The following CLPB variants were observed in gnomAD, a reference collection of about 807,000 sequenced individuals.
CLPB encodes mitochondrial disaggregase.
CLPB carries 40 observed loss-of-function variants against 78.4 expected under a neutral mutation model. The ratio of observed to expected loss-of-function variants is 0.51; its 90% CI spans 0.40 to 0.66. The LOEUF (loss-of-function observed/expected upper bound fraction) is 0.66. Among genes scored for constraint, CLPB ranks in the 30% least tolerant of loss-of-function variants. CLPB has a pLI of 0.00. For missense variants in CLPB, 780 were observed against 886.9 expected (o/e 0.88, Z 1.53); for synonymous variants, 333 against 348.0 (o/e 0.96, Z 0.48).
intron 4 of CLPB, among the ~76,000 whole-genome samples, chr11:72,378,873 T>C (rs1165354694): frequency 2.0e-5 from 3 of 152,236 alleles, no homozygotes; most frequent in Admixed American, 2.0e-4. Context: ...CAAGTAACCA[T>C]ACAAGAGGCC....
At chr11:72,345,637 T>G (rs1451928190) in intron 5 of CLPB, among the ~76,000 whole-genome samples, 1 of 152,164 alleles carries the variant, frequency 6.6e-6, no homozygotes, top group Non-Finnish European at 1.5e-5. Context: ...CCTTTGACTT[T>G]TAGAAATGAG....
intron 9 of CLPB, chr11:72,303,037 G>A (rs1157046878): frequency 1.3e-5 from 2 of 152,486 alleles, no homozygotes; most frequent in East Asian, 3.9e-4. Context: ...ATGGGTGAGG[G>A]CCATGGTTAG....
At chr11:72,404,445 G>C (rs1370630118) in intron 2 of CLPB, among the ~76,000 whole-genome samples, 1 of 152,222 alleles carries the variant, frequency 6.6e-6, no homozygotes, top group Non-Finnish European at 1.5e-5. Context: ...GATGTTAGCA[G>C]GTAACTAAGG....
At chr11:72,343,605 G>C (rs766492296) in intron 5 of CLPB, among the ~76,000 whole-genome samples, 46 of 152,174 alleles carry the variant, frequency 3.0e-4, no homozygotes, top group Non-Finnish European at 6.0e-4. Flanking sequence ...AAGGTGGTGG[G>C]AGGCTAGGAG....
At chr11:72,304,172 TC>T (rs1350225210) in intron 9 of CLPB, 8 of 152,238 alleles carry the variant, frequency 5.3e-5, no homozygotes, top group African/African-American at 1.7e-4. Context: ...TTGGCCGGAA[TC>T]ATCATTTTGA....
intron 3 of CLPB, among the ~76,000 whole-genome samples, chr11:72,388,441 C>T (rs1334718968): frequency 6.6e-6 from 1 of 151,908 alleles, no homozygotes. Context: ...TTAGTACAGC[C>T]GGGGTTTCAC....
At chr11:72,344,168 C>T (rs1407247147) in intron 5 of CLPB, among the ~76,000 whole-genome samples, 1 of 152,154 alleles carries the variant, frequency 6.6e-6, no homozygotes, top group South Asian at 2.1e-4. Flanking sequence ...GTAATCTATA[C>T]TGCTGACCAA....
At chr11:72,311,622 C>A (rs1949849138) in intron 7 of CLPB, among the ~76,000 whole-genome samples, 1 of 152,238 alleles carries the variant, frequency 6.6e-6, no homozygotes, top group African/African-American at 2.4e-5. Flanking sequence ...TGACTCTCCG[C>A]TGCCACAGCA....
rs376330964 is a variant in CLPB, at chr11:72,299,291, T to C, written c.1329+2512A>G. Among the ~76,000 whole-genome samples the C allele has an allele frequency of 5.3e-5, 8 of 152,366 alleles. No individual in the cohort carries two copies. In the East Asian group the frequency reaches 1.5e-3, roughly 29 times the overall value. On this transcript the variant is annotated intron_variant, in intron 11 of 15. Transcript: ENST00000538039. ...TAATGACCCTCTCCCTTCTCATCCA[T>C]TCTTTACACAGCTGCCCACGGCATC...
intron 4 of CLPB, among the ~76,000 whole-genome samples, chr11:72,371,436 T>C (rs1951039345): frequency 6.6e-6 from 1 of 151,532 alleles, no homozygotes; most frequent in South Asian, 2.1e-4. Flanking sequence ...GGCTGAGGCA[T>C]AGGAATTGCT....
Position 72,307,124 on chromosome 11 carries a change from G to A in CLPB, c.1122+75C>T, listed in dbSNP as rs1302178582. 1.5e-5 allele frequency: 20 copies of A among 1,343,448 alleles called. No individual in the cohort carries two copies. The East Asian group carries it at 4.4e-4, about 29-fold the overall frequency. 83.2% of individuals were successfully genotyped at this position (1,343,448 alleles called of 1,614,324 possible). A position where few individuals can be genotyped will look rare whatever the true frequency, so the allele number is the denominator to read the frequency against. On this transcript the variant is annotated intron_variant, in intron 9 of 15. Coordinates refer to ENST00000538039, the MANE Select transcript of CLPB (RefSeq NM_001258392.3). ...TGATTGCCTATTACTGAATTCAGAGGGTCAGATTTTTTGGGATAGCAGGAA... is the reference window on the plus strand; with the variant it reads ...TGATTGCCTATTACTGAATTCAGAGAGTCAGATTTTTTGGGATAGCAGGAA...
At chr11:72,404,119 C>T (rs1402032135) in intron 2 of CLPB, among the ~76,000 whole-genome samples, 1 of 152,206 alleles carries the variant, frequency 6.6e-6, no homozygotes, top group Non-Finnish European at 1.5e-5. Context: ...ACCACCCTTC[C>T]TCCAGACAGA....
chr11:72,293,143 T>C lies in CLPB; in HGVS notation c.*224A>G. 1.9e-6 allele frequency: 1 copy of C among 534,812 alleles called. No individual in the cohort carries two copies. Among genetic ancestry groups the C allele is most frequent in the Non-Finnish European group, 3.3e-6 (1 of 301,192 alleles). 33.1% of individuals were successfully genotyped at this position (534,812 alleles called of 1,614,324 possible). ...GAAAGGCAGCTCCTCTCCTGAAGGC[T>C]TGTTAGCAGGTTATGGGCCCACAAC... On this transcript the variant is annotated 3_prime_UTR_variant, in exon 16 of 16. Transcript: ENST00000538039.
intron 8 of CLPB, among the ~76,000 whole-genome samples, 200 bp downstream of exon 8, chr11:72,308,327 T>C (rs1482802357): frequency 2.6e-5 from 4 of 152,132 alleles, no homozygotes; most frequent in Non-Finnish European, 5.9e-5. Context: ...AGGGGCATAT[T>C]GCAGCTCTTC....
At chr11:72,431,169 T>C (rs1856535230) in intron 1 of CLPB, among the ~76,000 whole-genome samples, 1 of 152,192 alleles carries the variant, frequency 6.6e-6, no homozygotes, top group South Asian at 2.1e-4. Context: ...CACCACCTTG[T>C]GGCCATAAAG....
At chr11:72,371,721 TG>T (rs1326155879) in intron 4 of CLPB, among the ~76,000 whole-genome samples, 1 of 152,154 alleles carries the variant, frequency 6.6e-6, no homozygotes, top group African/African-American at 2.4e-5. Context: ...TCGACCACTC[TG>T]TATGTTTTGA....
chr11:72,418,869 A>G lies in CLPB; in HGVS notation c.455+11443T>C, dbSNP rs555427661. ...ACTCCATCTCCAAAAAAAAAAAAAA[A>G]AAAGAAAAGAAAAGAAATCCACTTG... On this transcript the variant is annotated intron_variant, in intron 2 of 15. Coordinates refer to ENST00000538039, the MANE Select transcript of CLPB (RefSeq NM_001258392.3). Among the ~76,000 whole-genome samples, 5 of 151,728 alleles carry G rather than the reference A, an allele frequency of 3.3e-5. No homozygotes were observed. The South Asian group carries it at 6.2e-4, about 19-fold the overall frequency.
intron 14 of CLPB, 91 bp downstream of exon 14, chr11:72,294,234 C>T: frequency 3.1e-6 from 5 of 1,607,612 alleles, no homozygotes; most frequent in Non-Finnish European, 4.2e-6. Context: ...TGTGCTCCAC[C>T]TTTTATGTGT....
chr11:72,332,133 T>C (rs1950237785), intron 5 of CLPB, among the ~76,000 whole-genome samples: 1 of 152,080 alleles, frequency 6.6e-6, no homozygotes, highest in South Asian at 2.1e-4. Context: ...TATTGATAAA[T>C]ATATTTTTTT....
Sources: gnomAD v4.1 joint callset for allele counts (sites outside exome capture counted in the v4.1 genomes callset) on GRCh38, gnomAD v4.1.1 for gene constraint, MANE v1.5 for transcripts, NCBI Gene and HGNC (gene_info 2026-07-23, HGNC 2026-07-21) for gene names.